Variants in TSPAN9 observed in about 807,000 individuals in gnomAD.
The protein encoded by TSPAN9 is tetraspanin-9.
A neutral mutation model predicts 31.0 loss-of-function variants in TSPAN9; 16 were observed. The ratio of observed to expected loss-of-function variants is 0.52; its 90% CI spans 0.35 to 0.78. The LOEUF (loss-of-function observed/expected upper bound fraction) is 0.78, where lower values mean the gene tolerates loss of function less well. TSPAN9 is among the 30% of genes least tolerant of loss of function. The pLI is 0.01. For missense variants in TSPAN9, 272 were observed against 312.5 expected (o/e 0.87, Z 0.98); for synonymous variants, 145 against 121.6 (o/e 1.19, Z -1.27).
rs1448987757 is a variant in TSPAN9 at position 3,281,768 on chromosome 12, A to G, written c.599A>G (p.Asp200Gly). 5.0e-6 allele frequency: 8 copies of G among 1,614,038 alleles called. No individual in the cohort carries two copies. Among genetic ancestry groups the G allele is most frequent in the Non-Finnish European group, 5.9e-6 (7 of 1,179,920 alleles). ...GAAAAGGTGAAGATGTGGTTCGATG[A>G]CAATAAGCACGTGCTGGGCACGGTG... is the stretch of plus-strand genomic sequence containing the variant. ...CYEKVKMWFD[D>G]NKHVLGTVGM... Residue 200 changes from aspartate (D) to glycine (G), a missense_variant, in exon 8 of 9, where the codon GAC becomes GGC. Asp to Gly is a moderately conservative substitution (Grantham distance 94). Transcript: ENST00000011898.
Position 3,200,826 on chromosome 12 carries a change from C to T in TSPAN9, c.-17-351C>T, listed in dbSNP as rs549037891. On this transcript the variant is annotated intron_variant, in intron 2 of 8. Transcript: ENST00000011898. Reference sequence around the variant, plus strand: ...GAGGGGGCGTGCAAGGCTCCGCCGGCCCCCCCGCAGCCCGCGCCCGACTTG... The same window carrying T: ...GAGGGGGCGTGCAAGGCTCCGCCGGTCCCCCCGCAGCCCGCGCCCGACTTG... 54 of 221,596 alleles carry T rather than the reference C, an allele frequency of 2.4e-4. No individual in the cohort carries two copies. The East Asian group carries it at 6.9e-3, about 28-fold the overall frequency. 13.7% of individuals were successfully genotyped at this position (221,596 alleles called of 1,614,324 possible).
rs988247070 is a variant in TSPAN9, at chr12:3,285,791, T to C, written c.*2675T>C. The C allele has an allele frequency of 6.6e-6, 1 of 152,144 alleles. No homozygotes were observed. 9.4% of individuals were successfully genotyped at this position (152,144 alleles called of 1,614,324 possible). ...TTGTCTCAGAAAGTCCCTCAGGGTT[T>C]GTAGAGGACTGCAGGGGGGCATCCG... On this transcript the variant is annotated 3_prime_UTR_variant, in exon 9 of 9. Transcript: ENST00000011898.
Position 3,280,525 on chromosome 12 carries a change from G to A in TSPAN9, c.432+42G>A. ...CCTGGTGGGGCCAGGCAGGGAGGAG[G>A]GGTGGCGGCCGGTACTTCTAGCTGC... On this transcript the variant is annotated intron_variant, in intron 6 of 8. Transcript: ENST00000011898. The surrounding 1 kb of genome is among the most constrained non-coding windows in gnomAD (Gnocchi z 4.5). The A allele has an allele frequency of 1.3e-6, 2 of 1,578,322 alleles. No homozygotes were observed. Among genetic ancestry groups the A allele is most frequent in the Non-Finnish European group, 1.7e-6 (2 of 1,159,036 alleles).
intron 3 of TSPAN9, among the ~76,000 whole-genome samples, chr12:3,273,625 A>G (rs1862725846): frequency 6.6e-6 from 1 of 152,170 alleles, no homozygotes; most frequent in Admixed American, 6.5e-5. Context: ...TGGCTGTGCC[A>G]CCACAGACAG....
Position 3,117,912 on chromosome 12 carries a change from G to C in TSPAN9, c.-18+34193G>C, listed in dbSNP as rs1330679777. ...GGCTGCTGGTCCTGGGACCTGCGGA[G>C]CTGTCACCTCAGGGCTGGGAGGTGA... On this transcript the variant is annotated intron_variant, in intron 2 of 8. Transcript: ENST00000011898. 2.0e-5 allele frequency among the ~76,000 whole-genome samples: 3 copies of C among 152,124 alleles called. No individual in the cohort carries two copies. In the East Asian group the frequency reaches 5.8e-4, roughly 29 times the overall value.
chr12:3,157,126 G>T (rs1646702637), intron 2 of TSPAN9, among the ~76,000 whole-genome samples: 1 of 148,374 alleles, frequency 6.7e-6, no homozygotes, highest in Admixed American at 6.7e-5. Context: ...TTGAGACGGA[G>T]TCTCGCTCTG....
At chr12:3,276,876 G>A (rs1176386680) in intron 3 of TSPAN9, among the ~76,000 whole-genome samples, 3 of 152,156 alleles carry the variant, frequency 2.0e-5, no homozygotes, top group Non-Finnish European at 1.5e-5. Context: ...TCCTCAGGGA[G>A]GCGTCTGTCC....
chr12:3,089,906 AAAAT>A (rs1167826159), intron 2 of TSPAN9, among the ~76,000 whole-genome samples: 5 of 151,956 alleles, frequency 3.3e-5, no homozygotes, highest in Non-Finnish European at 5.9e-5. Flanking sequence ...ATCCTGTCTC[AAAAT>A]AAATAAATAA....
chr12:3,150,001 C>T (rs2098339056), intron 2 of TSPAN9: 1 of 152,298 alleles, frequency 6.6e-6, no homozygotes, highest in Admixed American at 6.5e-5. Context: ...AGTGAACGCC[C>T]ATGGCGTGCC....
At chr12:3,249,058 C>T (rs1862196074) in intron 3 of TSPAN9, among the ~76,000 whole-genome samples, 1 of 152,260 alleles carries the variant, frequency 6.6e-6, no homozygotes, top group African/African-American at 2.4e-5. Flanking sequence ...CCCTGATCTC[C>T]CTGTCCCTAG....
At chr12:3,144,036 T>C (rs1343880089) in intron 2 of TSPAN9, among the ~76,000 whole-genome samples, 1 of 152,242 alleles carries the variant, frequency 6.6e-6, no homozygotes, top group African/African-American at 2.4e-5. Context: ...TCTGTTGTTC[T>C]GTTTATTTGT....
At chr12:3,209,678 G>A (rs1490483662) in intron 3 of TSPAN9, among the ~76,000 whole-genome samples, 4 of 152,040 alleles carry the variant, frequency 2.6e-5, no homozygotes, top group African/African-American at 9.7e-5. Context: ...TCTAAGCGTG[G>A]GCCGGGCGCG....
At chr12:3,219,520 A>AGCCC (rs1210342679) in intron 3 of TSPAN9, among the ~76,000 whole-genome samples, 1 of 152,180 alleles carries the variant, frequency 6.6e-6, no homozygotes, top group Non-Finnish European at 1.5e-5. Context: ...CTGCCTCAGG[A>AGCCC]GCCAAGAGTC....
chr12:3,155,323 G>A (rs987900285), intron 2 of TSPAN9, among the ~76,000 whole-genome samples: 8 of 152,196 alleles, frequency 5.3e-5, no homozygotes, highest in Non-Finnish European at 1.2e-4. Flanking sequence ...AGTTGGCTAC[G>A]CAAGTGAAAC....
intron 3 of TSPAN9, among the ~76,000 whole-genome samples, chr12:3,267,434 G>A (rs961376255): frequency 1.3e-5 from 2 of 152,188 alleles, no homozygotes; most frequent in Admixed American, 6.5e-5. Context: ...GAGCTGCACT[G>A]CACCTCCTGC....
Position 3,102,435 on chromosome 12 carries a change from A to ATTTTTTTTTT in TSPAN9, c.-18+18725_-18+18734dup, listed in dbSNP as rs33918863. ...AGCTGCTTACCCTGGCCAAGGAGGA[A>ATTTTTTTTTT]TTTTTTTTTTTTTTTTTTAGACAGA... is the stretch of plus-strand genomic sequence containing the variant. On this transcript the variant is annotated intron_variant, in intron 2 of 8. Transcript: ENST00000011898. Among the ~76,000 whole-genome samples the ATTTTTTTTTT allele has an allele frequency of 1.0e-3, 141 of 135,260 alleles. 2 individuals carry two copies. The highest frequency in any genetic ancestry group is 3.9e-3 in the African/African-American group (136 of 34,980). 88.7% of individuals were successfully genotyped at this position (135,260 alleles called of 152,430 possible). A position where few individuals can be genotyped will look rare whatever the true frequency, so the allele number is the denominator to read the frequency against.
intron 3 of TSPAN9, among the ~76,000 whole-genome samples, chr12:3,258,793 A>G (rs1435000378): frequency 6.6e-6 from 1 of 152,188 alleles, no homozygotes; most frequent in Non-Finnish European, 1.5e-5. Context: ...TACTTCCAGC[A>G]GAGATTTATT....
intron 3 of TSPAN9, among the ~76,000 whole-genome samples, chr12:3,239,273 C>A (rs2098395372): frequency 6.6e-6 from 1 of 152,156 alleles, no homozygotes; most frequent in Non-Finnish European, 1.5e-5. Flanking sequence ...GCTGGGAACG[C>A]TGGGCAGGAG....
chr12:3,280,551 C>G lies in TSPAN9; in HGVS notation c.432+68C>G. ...GGTGGCGGCCGGTACTTCTAGCTGC[C>G]TTCCCCGGTGACCTGGCCGGGCACC... On this transcript the variant is annotated intron_variant, in intron 6 of 8. Transcript: ENST00000011898. The surrounding 1 kb of genome is among the most constrained non-coding windows in gnomAD (Gnocchi z 4.5). 1 of 1,449,300 alleles carries G rather than the reference C, an allele frequency of 6.9e-7. No individual in the cohort carries two copies. Among genetic ancestry groups the G allele is most frequent in the East Asian group, 2.4e-5 (1 of 42,044 alleles). The allele number at this position is 1,449,300 out of a possible 1,614,324, so 89.8% of individuals were successfully genotyped here. A position where few individuals can be genotyped will look rare whatever the true frequency, so the allele number is the denominator to read the frequency against.
Sources: gnomAD v4.1 joint callset for allele counts (sites outside exome capture counted in the v4.1 genomes callset) on GRCh38, gnomAD v4.1.1 for gene constraint, Gnocchi (gnomAD v3.1) non-coding constraint, MANE v1.5 for transcripts, NCBI Gene and HGNC (gene_info 2026-07-23, HGNC 2026-07-21) for gene names.